Variants in CACNB2 observed in about 807,000 individuals in gnomAD.
CACNB2 encodes the protein calcium voltage-gated channel auxiliary subunit beta 2, also known as voltage-dependent L-type calcium channel subunit beta-2.
CACNB2 carries 42 observed loss-of-function variants against 73.3 expected under a neutral mutation model. That is an observed-to-expected ratio of 0.57 (90% CI 0.45 to 0.74). The LOEUF (loss-of-function observed/expected upper bound fraction) is 0.74, where lower values mean the gene tolerates loss of function less well. CACNB2 is among the 30% of genes least tolerant of loss of function. The pLI, the probability that CACNB2 is intolerant of heterozygous loss-of-function variation, is 0.00. For synonymous variants in CACNB2, 348 were observed against 310.3 expected (o/e 1.12, Z -1.28); for missense variants, 940 against 853.0 (o/e 1.10, Z -1.27).
chr10:18,459,607 C>G (rs867178521), intron 3 of CACNB2, among the ~76,000 whole-genome samples: 47 of 152,290 alleles, frequency 3.1e-4, no homozygotes, highest in African/African-American at 1.1e-3. Context: ...TTATTTCTCC[C>G]TTTTTTATTA....
chr10:18,233,546 G>C lies in CACNB2; in HGVS notation c.213+82571G>C, dbSNP rs1277752. Among the ~76,000 whole-genome samples, 14 of 152,032 alleles carry C rather than the reference G, an allele frequency of 9.2e-5. No homozygotes were observed. In the East Asian group the frequency reaches 2.7e-3, roughly 29 times the overall value. On this transcript the variant is annotated intron_variant, in intron 2 of 13. Transcript: ENST00000324631. ...TTATTTTTTAAAAACTAGGTACTGC[G>C]CTGAGAATTACAGATTGGGGTTTGA...
intron 2 of CACNB2, among the ~76,000 whole-genome samples, chr10:18,374,107 T>C (rs1247885271): frequency 6.6e-6 from 1 of 152,214 alleles, no homozygotes; most frequent in African/African-American, 2.4e-5. Flanking sequence ...TATACAGTGA[T>C]TAAAGACATA....
At chr10:18,361,186 T>A (rs2042122692) in intron 2 of CACNB2, among the ~76,000 whole-genome samples, 1 of 152,074 alleles carries the variant, frequency 6.6e-6, no homozygotes, top group Non-Finnish European at 1.5e-5. Context: ...GGCTCATCCA[T>A]TACCTTTATG....
rs553741528 is a variant in CACNB2 at position 18,466,137 on chromosome 10, C to G, written c.334-32218C>G. ...GACATTCCAGTTACGGTGCACGAAG[C>G]CAAGAATCCCTAAGTAGCAAATAAA... On this transcript the variant is annotated intron_variant, in intron 3 of 13. Transcript: ENST00000324631. Among the ~76,000 whole-genome samples, 20 of 152,314 alleles carry G rather than the reference C, an allele frequency of 1.3e-4. No homozygotes were observed. In the East Asian group the frequency reaches 3.7e-3, roughly 28 times the overall value.
chr10:18,501,375 G>A (rs970289158), intron 5 of CACNB2, among the ~76,000 whole-genome samples: 14 of 152,202 alleles, frequency 9.2e-5, no homozygotes, highest in Admixed American at 2.0e-4. Flanking sequence ...CTTGTCATCC[G>A]TTAGTTTCAT....
intron 3 of CACNB2, among the ~76,000 whole-genome samples, chr10:18,421,435 T>C (rs765936579): frequency 2.0e-5 from 3 of 151,854 alleles, no homozygotes; most frequent in Non-Finnish European, 4.4e-5. Flanking sequence ...GTAGCTGGGA[T>C]TACAGGAATG....
At chr10:18,345,592 C>T (rs966902272) in intron 2 of CACNB2, among the ~76,000 whole-genome samples, 9 of 152,206 alleles carry the variant, frequency 5.9e-5, no homozygotes, top group Admixed American at 1.3e-4. Context: ...AAACACACTC[C>T]GCTCCCTAAA....
At chr10:18,529,556 T>C (rs1161527699) in intron 10 of CACNB2, among the ~76,000 whole-genome samples, 1 of 152,150 alleles carries the variant, frequency 6.6e-6, no homozygotes, top group Non-Finnish European at 1.5e-5. Context: ...TGACAGGATT[T>C]AGCCAAGAAA....
At chr10:18,472,287 A>G (rs2048233457) in intron 3 of CACNB2, among the ~76,000 whole-genome samples, 1 of 139,476 alleles carries the variant, frequency 7.2e-6, no homozygotes, top group Admixed American at 7.9e-5. Context: ...CCCAGGCTGG[A>G]ATGCAGTGCT....
At chr10:18,324,863 C>CA (rs1162085498) in intron 2 of CACNB2, among the ~76,000 whole-genome samples, 3 of 152,202 alleles carry the variant, frequency 2.0e-5, no homozygotes, top group African/African-American at 7.2e-5. Flanking sequence ...GACTCCATGT[C>CA]AAAACAACAA....
Position 18,172,924 on chromosome 10 carries a change from C to CTTTTTTTTTTTTTTTTTTTTTTTTTTTT in CACNB2, c.213+21964_213+21965insTTTTTTTTTTTTTTTTTTTTTTTTTTTT, listed in dbSNP as rs58345605. Among the ~76,000 whole-genome samples the CTTTTTTTTTTTTTTTTTTTTTTTTTTTT allele has an allele frequency of 2.6e-5, 3 of 117,472 alleles. 1 individual carries two copies. The highest frequency in any genetic ancestry group is 3.3e-5 in the African/African-American group (1 of 30,078). The allele number at this position is 117,472 out of a possible 152,430, so 77.1% of individuals were successfully genotyped here. A position where few individuals can be genotyped will look rare whatever the true frequency, so the allele number is the denominator to read the frequency against. The stretch of plus-strand genomic sequence containing the variant: ...CTTCAAATAGGGAAAATAATAAGGC[C>CTTTTTTTTTTTTTTTTTTTTTTTTTTTT]TTTTTTTTTTTTTTTAAATGGAGTT... On this transcript the variant is annotated intron_variant, in intron 2 of 13. Coordinates refer to ENST00000324631, the MANE Select transcript of CACNB2 (RefSeq NM_201596.3).
chr10:18,519,634 C>A, intron 9 of CACNB2: 1 of 446,740 alleles, frequency 2.2e-6, no homozygotes, highest in South Asian at 1.6e-5. Flanking sequence ...ATGGAAACTC[C>A]ATCACCATGT....
chr10:18,465,973 G>A lies in CACNB2; in HGVS notation c.334-32382G>A, dbSNP rs538524850. 1.1e-4 allele frequency among the ~76,000 whole-genome samples: 17 copies of A among 152,154 alleles called. No homozygotes were observed. In the South Asian group the frequency reaches 2.5e-3, roughly 22 times the overall value. On this transcript the variant is annotated intron_variant, in intron 3 of 13. Transcript: ENST00000324631. Reference sequence around the variant, plus strand: ...TGGGATTACAGGCGTGGGCCACTGCGCCCGGCCCCAACTTCTTTATAAAGG... The same window carrying A: ...TGGGATTACAGGCGTGGGCCACTGCACCCGGCCCCAACTTCTTTATAAAGG...
intron 3 of CACNB2, among the ~76,000 whole-genome samples, chr10:18,482,439 G>A (rs377137865): frequency 2.3e-4 from 35 of 152,122 alleles, no homozygotes; most frequent in Admixed American, 1.9e-3. Flanking sequence ...AAGAACCTAC[G>A]GAAGTTATAA....
chr10:18,151,989 A>G (rs1009669421), intron 2 of CACNB2, among the ~76,000 whole-genome samples: 1 of 152,094 alleles, frequency 6.6e-6, no homozygotes, highest in Non-Finnish European at 1.5e-5. Context: ...TAAATCCTAT[A>G]TGACCTTTTG....
At chr10:18,462,174 T>A (rs1998820) in intron 3 of CACNB2, among the ~76,000 whole-genome samples, 15,395 of 152,184 alleles carry the variant, frequency 0.1, 921 homozygotes, top group Admixed American at 0.17. Context: ...GACAGAATAT[T>A]CACTATAAGA....
intron 2 of CACNB2, among the ~76,000 whole-genome samples, chr10:18,255,418 C>G (rs1355372186): frequency 6.6e-6 from 1 of 152,178 alleles, no homozygotes; most frequent in Non-Finnish European, 1.5e-5. Flanking sequence ...TCAACCCCCT[C>G]TACATTCTCA....
intron 2 of CACNB2, among the ~76,000 whole-genome samples, chr10:18,274,297 A>G (rs1036326961): frequency 1.3e-5 from 2 of 152,234 alleles, no homozygotes; most frequent in Non-Finnish European, 2.9e-5. Context: ...AAACTGTTCA[A>G]ACTGTAAGTA....
At chr10:18,324,607 C>T (rs1239950653) in intron 2 of CACNB2, among the ~76,000 whole-genome samples, 3 of 152,224 alleles carry the variant, frequency 2.0e-5, no homozygotes, top group South Asian at 2.1e-4. Flanking sequence ...AATCCCAACA[C>T]TTTGGGAGGC....
Sources: allele counts gnomAD v4.1 joint callset (sites outside exome capture counted in the v4.1 genomes callset), GRCh38; gene constraint gnomAD v4.1.1; transcripts MANE v1.5; gene names NCBI Gene and HGNC (gene_info 2026-07-23, HGNC 2026-07-21).